DPYSL2: variants seen among roughly 807,000 people sequenced by gnomAD.
DPYSL2 encodes the protein dihydropyrimidinase-related protein 2.
In DPYSL2, 13 loss-of-function variants were observed where a neutral mutation model predicts 69.9. The ratio of observed to expected loss-of-function variants is 0.19; its 90% CI spans 0.12 to 0.30. DPYSL2 has a LOEUF of 0.30. DPYSL2 is among the 10% of genes least tolerant of loss of function. The pLI, the probability that DPYSL2 is intolerant of heterozygous loss-of-function variation, is 1.00. For missense variants in DPYSL2, 587 were observed against 918.9 expected (o/e 0.64, Z 4.67); for synonymous variants, 326 against 359.1 (o/e 0.91, Z 1.04).
chr8:26,564,502 T>G lies in DPYSL2; in HGVS notation c.355-17467T>G, dbSNP rs1801119899. Among the ~76,000 whole-genome samples the G allele has an allele frequency of 6.6e-6, 1 of 152,198 alleles. No individual in the cohort carries two copies. The highest frequency in any genetic ancestry group is 2.4e-5 in the African/African-American group (1 of 41,450). ...ATCCTTGAATGGGCTGACGTCTTCC[T>G]GTGAGACCTAGGGAAGGAGAAAAGA... On this transcript the variant is annotated intron_variant, in intron 1 of 13. Coordinates refer to ENST00000521913, the MANE Select transcript of DPYSL2 (RefSeq NM_001197293.3). The surrounding 1 kb of genome is among the most constrained non-coding windows in gnomAD (Gnocchi z 4.8).
At chr8:26,601,336 T>A (rs758032287) in intron 3 of DPYSL2, among the ~76,000 whole-genome samples, 7 of 152,100 alleles carry the variant, frequency 4.6e-5, no homozygotes, top group Non-Finnish European at 1.0e-4. Flanking sequence ...CACTTAATCC[T>A]GCTGGGTATG....
intron 1 of DPYSL2, chr8:26,577,113 A>G (rs996901631): frequency 2.3e-6 from 1 of 441,492 alleles, no homozygotes; most frequent in Non-Finnish European, 4.5e-6. Context: ...CCTTCCCCGG[A>G]TGCCTCCTTC....
chr8:26,655,517 G>T, intron 13 of DPYSL2, 98 bp from the exon 14 acceptor site: 1 of 1,093,152 alleles, frequency 9.1e-7, no homozygotes, highest in South Asian at 1.8e-5. Context: ...AATGCGACTA[G>T]CACTTTTCCT....
At position 26,582,589 on chromosome 8, in the gene DPYSL2, A is replaced by G. The variant is rs575878932; in HGVS notation, c.443+532A>G. ...TTATTCTAAGTGGCAACTAGTGCAAATAAGACTGCCCTTGTGTTTATTGTG... is the reference window on the plus strand; with the variant it reads ...TTATTCTAAGTGGCAACTAGTGCAAGTAAGACTGCCCTTGTGTTTATTGTG... On this transcript the variant is annotated intron_variant, in intron 2 of 13. Coordinates refer to ENST00000521913, the MANE Select transcript of DPYSL2 (RefSeq NM_001197293.3). This position sits in a 1 kb window ranked among gnomAD's most constrained non-coding sequence, Gnocchi z 4.1. Among the ~76,000 whole-genome samples, 2 of 152,354 alleles carry G rather than the reference A, an allele frequency of 1.3e-5. No individual in the cohort carries two copies. Among genetic ancestry groups the G allele is most frequent in the East Asian group, 3.9e-4 (2 of 5,194 alleles).
chr8:26,597,307 T>A lies in DPYSL2; in HGVS notation c.628+13324T>A, dbSNP rs1801883864. Among the ~76,000 whole-genome samples the A allele has an allele frequency of 6.6e-6, 1 of 152,340 alleles. No individual in the cohort carries two copies. Among genetic ancestry groups the A allele is most frequent in the East Asian group, 1.9e-4 (1 of 5,188 alleles). ...AGCCTTCTTCCATGCGGGGCCAGAT[T>A]GAGCTGATTTCTGTCACGTAGGCTG... On this transcript the variant is annotated intron_variant, in intron 3 of 13. Coordinates refer to ENST00000521913, the MANE Select transcript of DPYSL2 (RefSeq NM_001197293.3). The surrounding 1 kb of genome is among the most constrained non-coding windows in gnomAD (Gnocchi z 5.2).
chr8:26,547,179 G>A (rs1348461939), intron 1 of DPYSL2, among the ~76,000 whole-genome samples: 1 of 151,694 alleles, frequency 6.6e-6, no homozygotes, highest in East Asian at 2.0e-4. Flanking sequence ...CCTGGGCAAT[G>A]TGGCGAAATC....
intron 1 of DPYSL2, among the ~76,000 whole-genome samples, chr8:26,561,380 T>A (rs1352791756): frequency 2.0e-5 from 3 of 152,194 alleles, no homozygotes; most frequent in African/African-American, 7.2e-5. Context: ...ATTATTTGAC[T>A]TAATTACCAT....
chr8:26,619,411 G>T lies in DPYSL2; in HGVS notation c.629-4732G>T, dbSNP rs1210038884. 3.9e-5 allele frequency: 6 copies of T among 152,226 alleles called. No individual in the cohort carries two copies. The highest frequency in any genetic ancestry group is 8.8e-5 in the Non-Finnish European group (6 of 68,060). 9.4% of individuals were successfully genotyped at this position (152,226 alleles called of 1,614,324 possible). ...TGTCCGGGTCCTGAGTTTTTCAAGGGTTTATAACCCCCGGAGCTGAATTTG... is the reference window on the plus strand; with the variant it reads ...TGTCCGGGTCCTGAGTTTTTCAAGGTTTTATAACCCCCGGAGCTGAATTTG... On this transcript the variant is annotated intron_variant, in intron 3 of 13. Coordinates refer to ENST00000521913, the MANE Select transcript of DPYSL2 (RefSeq NM_001197293.3). The surrounding 1 kb of genome is among the most constrained non-coding windows in gnomAD (Gnocchi z 4.8).
At chr8:26,534,910 G>A (rs1232396150) in intron 1 of DPYSL2, among the ~76,000 whole-genome samples, 1 of 152,124 alleles carries the variant, frequency 6.6e-6, no homozygotes, top group Non-Finnish European at 1.5e-5. Flanking sequence ...TGGGATTATA[G>A]GCATGAGCCA....
intron 7 of DPYSL2, 87 bp from the exon 8 acceptor site, chr8:26,634,693 C>G: frequency 6.2e-7 from 1 of 1,603,846 alleles, no homozygotes; most frequent in South Asian, 1.1e-5. Flanking sequence ...TCGCCTTCAT[C>G]TTAGCCTCTC....
intron 1 of DPYSL2, among the ~76,000 whole-genome samples, chr8:26,542,485 G>C (rs1800701804): frequency 6.6e-6 from 1 of 151,852 alleles, no homozygotes; most frequent in Non-Finnish European, 1.5e-5. Flanking sequence ...GTAGTGGCAT[G>C]ATCATAGGTC....
At chr8:26,528,304 C>T (rs1023352021) in intron 1 of DPYSL2, among the ~76,000 whole-genome samples, 1 of 152,146 alleles carries the variant, frequency 6.6e-6, no homozygotes, top group Admixed American at 6.6e-5. Flanking sequence ...TTTCAAAATG[C>T]ACCTGGGATC....
At chr8:26,568,801 G>A (rs1046699115) in intron 1 of DPYSL2, among the ~76,000 whole-genome samples, 2 of 144,716 alleles carry the variant, frequency 1.4e-5, no homozygotes, top group African/African-American at 5.4e-5. Flanking sequence ...GAATCAAGGA[G>A]GGCCCAGTTG....
In DPYSL2 at chr8:26,609,845, G is replaced by T. The variant is rs1018536287; in HGVS notation, c.629-14298G>T. Among the ~76,000 whole-genome samples the T allele has an allele frequency of 1.3e-5, 2 of 152,204 alleles. No homozygotes were observed. Among genetic ancestry groups the T allele is most frequent in the African/African-American group, 2.4e-5 (1 of 41,456 alleles). On this transcript the variant is annotated intron_variant, in intron 3 of 13. Coordinates refer to ENST00000521913, the MANE Select transcript of DPYSL2 (RefSeq NM_001197293.3). This position sits in a 1 kb window ranked among gnomAD's most constrained non-coding sequence, Gnocchi z 6.5. The stretch of plus-strand genomic sequence containing the variant: ...GTTCATCGCCTGGAATTTATTTCTG[G>T]CAGACTTTGTGGTCAAAACTGGGAA...
rs1408987639 is a variant in DPYSL2, at chr8:26,588,837, G to A, written c.628+4854G>A. On this transcript the variant is annotated intron_variant, in intron 3 of 13. Coordinates refer to ENST00000521913, the MANE Select transcript of DPYSL2 (RefSeq NM_001197293.3). The surrounding 1 kb of genome is among the most constrained non-coding windows in gnomAD (Gnocchi z 5.4). Reference sequence around the variant, plus strand: ...GGGCTCGCTGGAGGTTGTGCTGGCGGTATCTGCAGAGTCATCCTAGCATCT... The same window carrying A: ...GGGCTCGCTGGAGGTTGTGCTGGCGATATCTGCAGAGTCATCCTAGCATCT... Among the ~76,000 whole-genome samples the A allele has an allele frequency of 1.3e-5, 2 of 152,178 alleles. No individual in the cohort carries two copies. Among genetic ancestry groups the A allele is most frequent in the Non-Finnish European group, 2.9e-5 (2 of 68,018 alleles).
chr8:26,550,175 G>A (rs1161232732), intron 1 of DPYSL2, among the ~76,000 whole-genome samples: 1 of 152,210 alleles, frequency 6.6e-6, no homozygotes, highest in Non-Finnish European at 1.5e-5. Context: ...ATACTCTGCT[G>A]TAAGGTATGT....
Position 26,643,707 on chromosome 8 carries a change from C to A in DPYSL2, c.1283+112C>A. On this transcript the variant is annotated intron_variant, in intron 9 of 13. Transcript: ENST00000521913. The surrounding 1 kb of genome is among the most constrained non-coding windows in gnomAD (Gnocchi z 6.5). ...AGAGCAGCCATAAAACTGGGAGACC[C>A]TTGTTCACCAAACTAGGTTGGCTAC... 6.7e-7 allele frequency: 1 copy of A among 1,484,106 alleles called. No homozygotes were observed. The highest frequency in any genetic ancestry group is 9.3e-7 in the Non-Finnish European group (1 of 1,078,786). 91.9% of individuals were successfully genotyped at this position (1,484,106 alleles called of 1,614,324 possible).
intron 3 of DPYSL2, among the ~76,000 whole-genome samples, chr8:26,600,243 C>T (rs901376606): frequency 6.6e-6 from 1 of 151,952 alleles, no homozygotes; most frequent in Non-Finnish European, 1.5e-5. Flanking sequence ...TTTGCGTGGG[C>T]GTGTGTTTTC....
At chr8:26,616,297 C>A (rs1178789709) in intron 3 of DPYSL2, among the ~76,000 whole-genome samples, 1 of 152,126 alleles carries the variant, frequency 6.6e-6, no homozygotes, top group African/African-American at 2.4e-5. Context: ...AACTGCCAAG[C>A]ACAACCCACA....
Sources: gnomAD v4.1 joint callset for allele counts (sites outside exome capture counted in the v4.1 genomes callset) on GRCh38, gnomAD v4.1.1 for gene constraint, Gnocchi (gnomAD v3.1) non-coding constraint, MANE v1.5 for transcripts, NCBI Gene and HGNC (gene_info 2026-07-23, HGNC 2026-07-21) for gene names.